The following SPAM1 variants were observed in gnomAD, a reference collection of about 807,000 sequenced individuals.
SPAM1 encodes the protein hyaluronidase PH-20.
In SPAM1, 22 loss-of-function variants were observed where a neutral mutation model predicts 29.6. The observed-to-expected ratio is 0.74, with a 90% CI of 0.53 to 1.06. The LOEUF (loss-of-function observed/expected upper bound fraction) is 1.06. Among genes scored for constraint, SPAM1 ranks in the 50% least tolerant of loss-of-function variants. SPAM1 has a pLI of 0.00. For synonymous variants in SPAM1, 194 were observed against 204.6 expected, an observed-to-expected ratio of 0.95 and a Z score of 0.44; for missense variants, 534 against 604.0, an observed-to-expected ratio of 0.88 and a Z score of 1.21.
At chr7:123,960,470 A>G (rs1162428575), downstream of SPAM1, among the ~76,000 whole-genome samples, 2 of 148,334 alleles carry the variant, frequency 1.3e-5, no homozygotes, top group East Asian at 2.0e-4. Flanking sequence ...AGAAGAAAAC[A>G]AAAGGAGGGA....
At chr7:123,962,828 T>C (rs1297020071), downstream of SPAM1, among the ~76,000 whole-genome samples, 2 of 151,918 alleles carry the variant, frequency 1.3e-5, no homozygotes, top group African/African-American at 4.8e-5. Context: ...AATTTGCTAA[T>C]AATATGGAAG....
At chr7:123,964,453 A>G (rs1000002700), downstream of SPAM1, among the ~76,000 whole-genome samples, 1 of 151,968 alleles carries the variant, frequency 6.6e-6, no homozygotes. Context: ...TGTAATTTTT[A>G]GACTATATCA....
intron 1 of SPAM1, among the ~76,000 whole-genome samples, chr7:123,934,220 T>A: frequency 6.6e-6 from 1 of 152,214 alleles, no homozygotes; most frequent in African/African-American, 2.4e-5. Context: ...TATTAAGGGA[T>A]GCATAACTGT....
chr7:123,929,303 G>A (rs927606521), intron 1 of SPAM1, among the ~76,000 whole-genome samples: 1 of 152,102 alleles, frequency 6.6e-6, no homozygotes, highest in Non-Finnish European at 1.5e-5. Context: ...TGCCAGCTGA[G>A]TCATTTCCTG....
At chr7:123,937,580 A>G (rs191058368) in intron 1 of SPAM1, among the ~76,000 whole-genome samples, 11,976 of 143,490 alleles carry the variant, frequency 0.083, 576 homozygotes, top group South Asian at 0.12. Context: ...CAGCCTGGGC[A>G]ACAGAGACTC....
At chr7:123,937,548 C>T (rs1213924827) in intron 1 of SPAM1, among the ~76,000 whole-genome samples, 2 of 147,410 alleles carry the variant, frequency 1.4e-5, no homozygotes, top group Non-Finnish European at 3.0e-5. Flanking sequence ...TTGCAGTGAG[C>T]CGAGATCGCG....
At chr7:123,967,682 C>A (rs1423630300) in intron 5 of SPAM1, among the ~76,000 whole-genome samples, 3 of 151,302 alleles carry the variant, frequency 2.0e-5, no homozygotes, top group African/African-American at 7.3e-5. Flanking sequence ...TGCTAAAATG[C>A]AAGAAGGAAG....
chr7:123,937,734 G>A (rs186937072), intron 1 of SPAM1, among the ~76,000 whole-genome samples: 2 of 152,082 alleles, frequency 1.3e-5, no homozygotes, highest in African/African-American at 4.8e-5. Flanking sequence ...TGAATAATTT[G>A]GATCTTCCAG....
chr7:123,929,655 T>C (rs1375983367), intron 1 of SPAM1, among the ~76,000 whole-genome samples: 1 of 152,084 alleles, frequency 6.6e-6, no homozygotes, highest in African/African-American at 2.4e-5. Flanking sequence ...CAAAAGGAAT[T>C]TCATGGGAAG....
chr7:123,968,400 T>C (rs1181702759), intron 5 of SPAM1, among the ~76,000 whole-genome samples: 1 of 152,042 alleles, frequency 6.6e-6, no homozygotes, highest in Admixed American at 6.6e-5. Context: ...AGAATTGCTT[T>C]TGGTGCCTCT....
chr7:123,961,149 C>G (rs1792352911), downstream of SPAM1, among the ~76,000 whole-genome samples: 1 of 151,722 alleles, frequency 6.6e-6, no homozygotes, highest in Admixed American at 6.6e-5. Flanking sequence ...TAACCAGTAC[C>G]TCAAACATTT....
At chr7:123,958,002 T>C (rs1337559802) in intron 4 of SPAM1, among the ~76,000 whole-genome samples, 1 of 152,054 alleles carries the variant, frequency 6.6e-6, no homozygotes, top group Non-Finnish European at 1.5e-5. Flanking sequence ...TAATTCAGGA[T>C]AATCTCCCCT....
rs566564187 is a variant in SPAM1, at chr7:123,948,357, G to A, written c.-318-1515G>A. Among the ~76,000 whole-genome samples, 328 of 152,268 alleles carry A rather than the reference G, an allele frequency of 2.2e-3. 2 individuals carry two copies. The highest frequency in any genetic ancestry group is 3.3e-3 in the Non-Finnish European group (225 of 68,012). ...AAATGCCACACAACCTACCAAATGT[G>A]ATGAGGATACGAGGGCAATCAACTT... On this transcript the variant is annotated intron_variant, in intron 1 of 4. Transcript: ENST00000682466.
intron 1 of SPAM1, among the ~76,000 whole-genome samples, chr7:123,942,176 A>G (rs755878245): frequency 2.0e-5 from 3 of 152,210 alleles, no homozygotes; most frequent in Non-Finnish European, 4.4e-5. Context: ...GTGATTTCAA[A>G]TCAGGAAAAA....
At chr7:123,937,426 C>T (rs919395974) in intron 1 of SPAM1, among the ~76,000 whole-genome samples, 2 of 151,808 alleles carry the variant, frequency 1.3e-5, no homozygotes, top group South Asian at 2.1e-4. Flanking sequence ...ATGGTGAAAT[C>T]CCGTCTCTAC....
chr7:123,927,819 A>G (rs1269012507), intron 1 of SPAM1, among the ~76,000 whole-genome samples: 2 of 152,198 alleles, frequency 1.3e-5, no homozygotes, highest in African/African-American at 2.4e-5. Flanking sequence ...GGAACGCATA[A>G]TATCTATGAG....
intron 1 of SPAM1, among the ~76,000 whole-genome samples, chr7:123,935,360 A>G (rs1254254916): frequency 1.3e-5 from 2 of 152,276 alleles, no homozygotes; most frequent in South Asian, 2.1e-4. Flanking sequence ...TATTTCATCA[A>G]AATTTCACAA....
intron 2 of SPAM1, among the ~76,000 whole-genome samples, chr7:123,952,893 GAAA>G (rs11356452): frequency 1.5e-5 from 2 of 131,502 alleles, no homozygotes; most frequent in Admixed American, 7.7e-5. Flanking sequence ...GCTCCCCTTT[GAAA>G]AAAAAAAAAA....
chr7:123,939,479 C>T (rs1808361484), intron 1 of SPAM1, among the ~76,000 whole-genome samples: 1 of 152,128 alleles, frequency 6.6e-6, no homozygotes, highest in Non-Finnish European at 1.5e-5. Flanking sequence ...CTGAATAATG[C>T]TTGTGTTCTG....
Sources: gnomAD v4.1 joint callset for allele counts (sites outside exome capture counted in the v4.1 genomes callset) on GRCh38, gnomAD v4.1.1 for gene constraint, MANE v1.5 for transcripts, NCBI Gene and HGNC (gene_info 2026-07-23, HGNC 2026-07-21) for gene names.